Variants in CAPN2 observed in about 807,000 individuals in gnomAD.
The protein encoded by CAPN2 is calpain 2.
In CAPN2, 92 loss-of-function variants were observed where a neutral mutation model predicts 102.3. That is an observed-to-expected ratio of 0.90 (90% CI 0.76 to 1.07). CAPN2 has a LOEUF of 1.07. Ranked by LOEUF, CAPN2 falls within the 50% of genes least tolerant of loss-of-function variation. CAPN2 has a pLI of 0.00. For synonymous variants in CAPN2, 340 were observed against 355.4 expected (o/e 0.96, Z 0.49); for missense variants, 800 against 909.4 (o/e 0.88, Z 1.55).
Position 223,759,497 on chromosome 1 carries a change from C to T in CAPN2, c.1529+16C>T. 1.2e-6 allele frequency: 2 copies of T among 1,607,428 alleles called. No individual in the cohort carries two copies. Among genetic ancestry groups the T allele is most frequent in the Non-Finnish European group, 1.7e-6 (2 of 1,174,788 alleles). On this transcript the variant is annotated intron_variant, in intron 12 of 20. Transcript: ENST00000295006. The surrounding 1 kb of genome is among the most constrained non-coding windows in gnomAD (Gnocchi z 4.6). ...CTGACTACCAGTAGGCGGTTTGGTC[C>T]CTTCCTCTCCCCACCCTTCCCTGTC...
At chr1:223,746,420 G>T (rs539212609) in intron 4 of CAPN2, among the ~76,000 whole-genome samples, 58 of 150,088 alleles carry the variant, frequency 3.9e-4, no homozygotes, top group African/African-American at 1.4e-3. Context: ...ATCAATACAG[G>T]AGGTTCATCC....
chr1:223,744,364 GA>G, intron 3 of CAPN2, 146 bp downstream of exon 3: 1 of 632,370 alleles, frequency 1.6e-6, no homozygotes. Flanking sequence ...GCGAGAGCAG[GA>G]AGCTTCCTGG....
chr1:223,760,253 C>T (rs1451992902), intron 12 of CAPN2, among the ~76,000 whole-genome samples: 1 of 152,096 alleles, frequency 6.6e-6, no homozygotes, highest in Non-Finnish European at 1.5e-5. Context: ...TGTGAGATGA[C>T]CCCTTGGACT....
At chr1:223,705,205 A>T (rs562311578) in intron 1 of CAPN2, among the ~76,000 whole-genome samples, 3 of 152,262 alleles carry the variant, frequency 2.0e-5, no homozygotes, top group Non-Finnish European at 2.9e-5. Context: ...AACGGGGCAA[A>T]GTAACAAAAC....
At chr1:223,737,630 AG>A (rs1660489179) in intron 2 of CAPN2, among the ~76,000 whole-genome samples, 2 of 141,232 alleles carry the variant, frequency 1.4e-5, no homozygotes, top group Non-Finnish European at 3.0e-5. Flanking sequence ...ACAGTGACTT[AG>A]GCAGAATTGC....
At chr1:223,761,252 A>T (rs1010956105) in intron 12 of CAPN2, among the ~76,000 whole-genome samples, 3 of 152,186 alleles carry the variant, frequency 2.0e-5, no homozygotes, top group Admixed American at 1.3e-4. Flanking sequence ...AGCAAACAAA[A>T]ATCTCCAGCT....
At chr1:223,737,851 C>G (rs1660506575) in intron 2 of CAPN2, among the ~76,000 whole-genome samples, 1 of 151,964 alleles carries the variant, frequency 6.6e-6, no homozygotes, top group Admixed American at 6.6e-5. Context: ...TTCAAAAGCA[C>G]CTTAGGGGCT....
At chr1:223,774,279 T>G (rs1661557624) in intron 20 of CAPN2, among the ~76,000 whole-genome samples, 1 of 152,072 alleles carries the variant, frequency 6.6e-6, no homozygotes, top group Non-Finnish European at 1.5e-5. Flanking sequence ...TTTTGCAGGT[T>G]CCTGGAGATC....
intron 1 of CAPN2, among the ~76,000 whole-genome samples, chr1:223,705,476 A>G (rs931431384): frequency 2.0e-5 from 3 of 152,216 alleles, no homozygotes. Context: ...TCGATGTGGG[A>G]GGGACTTAGG....
rs1660182212 is a variant in CAPN2, at chr1:223,726,091, A to G, written c.307+8260A>G. Among the ~76,000 whole-genome samples the G allele has an allele frequency of 2.0e-5, 1 of 48,826 alleles. No individual in the cohort carries two copies. The highest frequency in any genetic ancestry group is 2.5e-4 in the Admixed American group (1 of 3,928). 32.0% of individuals were successfully genotyped at this position (48,826 alleles called of 152,430 possible). ...GATGATGTTTCTCCTGTATTTTGCT[A>G]CCCCAGCCCAAGCAAGACTAGTAGT... On this transcript the variant is annotated intron_variant, in intron 2 of 20. Coordinates refer to ENST00000295006, the MANE Select transcript of CAPN2 (RefSeq NM_001748.5). The surrounding 1 kb of genome is among the most constrained non-coding windows in gnomAD (Gnocchi z 4.4).
In CAPN2 at chr1:223,764,207, CG is replaced by C. The variant is rs1661257422; in HGVS notation, c.1690+1del. On this transcript the variant is annotated splice_donor_variant, in intron 15 of 20. Coordinates refer to ENST00000295006, the MANE Select transcript of CAPN2 (RefSeq NM_001748.5). LOFTEE classifies it high-confidence loss of function. ...CATCCTGAGAAGGGTTCTAGCAAAG[CG>C]TGAGTATCCCCTCATTGCAAAACCT... The C allele has an allele frequency of 6.2e-7, 1 of 1,612,846 alleles. No individual in the cohort carries two copies. Among genetic ancestry groups the C allele is most frequent in the African/African-American group, 1.3e-5 (1 of 74,900 alleles).
chr1:223,767,736 C>G (rs1441553810), intron 16 of CAPN2, among the ~76,000 whole-genome samples: 2 of 149,952 alleles, frequency 1.3e-5, no homozygotes, highest in African/African-American at 4.9e-5. Context: ...AATGATATTT[C>G]TAGTTCTAGA....
chr1:223,748,555 C>T (rs1660806805), intron 5 of CAPN2, among the ~76,000 whole-genome samples: 1 of 152,230 alleles, frequency 6.6e-6, no homozygotes, highest in Non-Finnish European at 1.5e-5. Context: ...CTGGGCTGGG[C>T]CAGACCACGG....
At chr1:223,749,232 A>G in intron 6 of CAPN2, 110 bp downstream of exon 6, 1 of 905,766 alleles carries the variant, frequency 1.1e-6, no homozygotes, top group Non-Finnish European at 1.8e-6. Flanking sequence ...GGTCCAGTTT[A>G]CACTCGGGCC....
chr1:223,762,452 T>G (rs994218011), intron 14 of CAPN2, among the ~76,000 whole-genome samples: 26 of 152,168 alleles, frequency 1.7e-4, no homozygotes, highest in African/African-American at 6.3e-4. Context: ...GCCGGGGGCT[T>G]CCATTTGCAT....
In CAPN2 at chr1:223,712,805, C is replaced by T; in HGVS notation, c.165C>T (p.Pro55=). 1 of 1,579,200 alleles carries T rather than the reference C, an allele frequency of 6.3e-7. No individual in the cohort carries two copies. The highest frequency in any genetic ancestry group is 8.6e-7 in the Non-Finnish European group (1 of 1,165,420). ...LFQDPSFPAI[P]SALGFKELGP... is the part of the protein sequence containing the mutation. ...AGGACCCGTCCTTCCCGGCCATCCC[C>T]TCGGCCCTGGGCTTCAAGGAGTTGG... is the stretch of plus-strand genomic sequence containing the variant. Residue 55 remains proline (P), a synonymous_variant, in exon 1 of 21, where the codon CCC becomes CCT. Transcript: ENST00000295006.
In CAPN2 at chr1:223,757,292, C is replaced by T. The variant is rs371323895; in HGVS notation, c.1306-77C>T. On this transcript the variant is annotated intron_variant, in intron 10 of 20. Transcript: ENST00000295006. ...AATGCTACAGAGAAAACGGGGGCAGCGGAAGAGAAGAGCACAGTGATGCAT... is the reference window on the plus strand; with the variant it reads ...AATGCTACAGAGAAAACGGGGGCAGTGGAAGAGAAGAGCACAGTGATGCAT... The T allele has an allele frequency of 3.5e-4, 522 of 1,493,562 alleles. 2 individuals carry two copies. Among genetic ancestry groups the T allele is most frequent in the Non-Finnish European group, 4.6e-4 (488 of 1,070,596 alleles). The allele number at this position is 1,493,562 out of a possible 1,614,324, so 92.5% of individuals were successfully genotyped here.
intron 1 of CAPN2, among the ~76,000 whole-genome samples, chr1:223,706,081 C>T (rs991947235): frequency 2.6e-5 from 4 of 152,202 alleles, no homozygotes; most frequent in Admixed American, 1.3e-4. Context: ...GCAGCAGCTT[C>T]GGCTCTTGCC....
chr1:223,730,353 T>A (rs1251578576), intron 2 of CAPN2, among the ~76,000 whole-genome samples: 4 of 150,538 alleles, frequency 2.7e-5, no homozygotes, highest in Non-Finnish European at 4.4e-5. Flanking sequence ...TTTTTTTTTT[T>A]AGCTCATCAT....
Sources: gnomAD v4.1 joint callset for allele counts (sites outside exome capture counted in the v4.1 genomes callset) on GRCh38, gnomAD v4.1.1 for gene constraint, Gnocchi (gnomAD v3.1) non-coding constraint, MANE v1.5 for transcripts, NCBI Gene and HGNC (gene_info 2026-07-23, HGNC 2026-07-21) for gene names.